Variants in SCN11A observed in about 807,000 individuals in gnomAD.
The protein encoded by SCN11A is sodium voltage-gated channel alpha subunit 11.
A neutral mutation model predicts 162.2 loss-of-function variants in SCN11A; 122 were observed. The observed-to-expected ratio is 0.75, with a 90% CI of 0.65 to 0.87. The LOEUF (loss-of-function observed/expected upper bound fraction) is 0.87. Among genes scored for constraint, SCN11A ranks in the 40% least tolerant of loss-of-function variants. The pLI is 0.00. For synonymous variants in SCN11A, 758 were observed against 751.5 expected (o/e 1.01, Z -0.14); for missense variants, 2,015 against 2,181.6 (o/e 0.92, Z 1.52).
At chr3:38,987,336 CACACA>C (rs2030292077) in intron 2 of SCN11A, among the ~76,000 whole-genome samples, 1 of 143,344 alleles carries the variant, frequency 7.0e-6, no homozygotes, top group African/African-American at 2.8e-5. Context: ...CACACACACA[CACACA>C]CCTGTCCTGT....
intron 26 of SCN11A, among the ~76,000 whole-genome samples, chr3:38,869,187 C>T (rs765121026): frequency 6.6e-6 from 1 of 152,054 alleles, no homozygotes; most frequent in Non-Finnish European, 1.5e-5. Context: ...ACACTTCCAC[C>T]CACCTGTCAC....
rs868619226 is a variant in SCN11A, at chr3:38,847,014, G to A, written c.5056C>T (p.Leu1686Phe). 1 of 1,614,052 alleles carries A rather than the reference G, an allele frequency of 6.2e-7. No individual in the cohort carries two copies. The highest frequency in any genetic ancestry group is 8.5e-7 in the Non-Finnish European group (1 of 1,180,000). ...SEDRLHCMDI[L>F]FAFTARVLGG... is the part of the protein sequence containing the mutation. ...AGTACCCTAGCGGTGAAGGCGAAAA[G>A]AATATCCATGCAGTGGAGGCGATCT... The change falls in exon 30 of 30, where the codon CTT (leucine) becomes TTT (phenylalanine). Residue 1686 changes from leucine (L) to phenylalanine (F), a missense_variant. Transcript: ENST00000302328.
In SCN11A at chr3:38,871,437, G is replaced by GTACT; in HGVS notation, c.3759+4_3759+7dup. 1.9e-6 allele frequency: 3 copies of GTACT among 1,593,724 alleles called. No homozygotes were observed. The highest frequency in any genetic ancestry group is 2.6e-6 in the Non-Finnish European group (3 of 1,171,304). On this transcript the variant is annotated splice_region_variant and intron_variant, in intron 25 of 29. Transcript: ENST00000302328. Reference sequence around the variant, plus strand: ...CCTCAGAGTGAAAAACATACTGACTGTACTTACCACTTGCAGCAGAGCGAG... The same window carrying GTACT: ...CCTCAGAGTGAAAAACATACTGACTGTACTTACTTACCACTTGCAGCAGAGCGAG...
chr3:38,988,055 A>G (rs192035983), intron 2 of SCN11A, among the ~76,000 whole-genome samples: 4 of 152,274 alleles, frequency 2.6e-5, no homozygotes, highest in Middle Eastern at 3.4e-3. Flanking sequence ...TGGGAATTTG[A>G]GGCTCCTTGT....
chr3:38,948,340 A>C (rs980603863), intron 5 of SCN11A, among the ~76,000 whole-genome samples: 2 of 152,182 alleles, frequency 1.3e-5, no homozygotes, highest in Non-Finnish European at 2.9e-5. Flanking sequence ...TTACTGCTTT[A>C]AATATTTTAA....
intron 8 of SCN11A, among the ~76,000 whole-genome samples, chr3:38,925,945 TCAATAAC>T (rs1403203385): frequency 1.6e-4 from 25 of 152,238 alleles, no homozygotes; most frequent in Non-Finnish European, 1.9e-4. Flanking sequence ...TCACCACCTT[TCAATAAC>T]GAAGAGCACA....
At chr3:38,937,021 G>A (rs1339072157) in intron 7 of SCN11A, among the ~76,000 whole-genome samples, 17 of 152,092 alleles carry the variant, frequency 1.1e-4, no homozygotes, top group Admixed American at 1.1e-3. Flanking sequence ...TACCAAAACA[G>A]AGATATAGAT....
intron 23 of SCN11A, among the ~76,000 whole-genome samples, chr3:38,873,348 T>C (rs896264993): frequency 6.6e-6 from 1 of 152,164 alleles, no homozygotes; most frequent in Non-Finnish European, 1.5e-5. Context: ...GAGTTCACTA[T>C]TACCTAAAAA....
chr3:38,858,041 AAAAC>A (rs755817251), intron 28 of SCN11A, among the ~76,000 whole-genome samples: 14 of 152,068 alleles, frequency 9.2e-5, no homozygotes, highest in Non-Finnish European at 1.2e-4. Flanking sequence ...AAAACAAAAC[AAAAC>A]AAACAAACAA....
intron 7 of SCN11A, among the ~76,000 whole-genome samples, chr3:38,931,076 C>T (rs537271146): frequency 6.6e-6 from 1 of 152,212 alleles, no homozygotes; most frequent in Non-Finnish European, 1.5e-5. Context: ...TCATCAAAGG[C>T]TTCCAGGGAA....
intron 7 of SCN11A, among the ~76,000 whole-genome samples, chr3:38,941,006 T>C (rs192657403): frequency 7.6e-4 from 115 of 152,148 alleles, no homozygotes; most frequent in African/African-American, 2.6e-3. Context: ...TGGGGCAGAG[T>C]TTCCCCTTAA....
intron 1 of SCN11A, among the ~76,000 whole-genome samples, chr3:39,044,163 T>C (rs2032129629): frequency 6.6e-6 from 1 of 152,166 alleles, no homozygotes; most frequent in Non-Finnish European, 1.5e-5. Context: ...ATTTTAAATA[T>C]ATATACACCC....
chr3:38,847,176 T>C lies in SCN11A; in HGVS notation c.4894A>G (p.Lys1632Glu), dbSNP rs2064684700. ...AATTGTGTTGCTTCTGGGTCAAACT[T>C]TTCCCACACTTCATAAAATATGTCA... is the stretch of plus-strand genomic sequence containing the variant. ...DFDIFYEVWE[K>E]FDPEATQFIK... Residue 1632 changes from lysine (K) to glutamate (E), a missense_variant, in exon 30 of 30, where the codon AAG (lysine) becomes GAG (glutamate). Physicochemically the swap from Lys to Glu is moderately conservative, Grantham distance 56 (BLOSUM62 1). Transcript: ENST00000302328. 4.3e-6 allele frequency: 7 copies of C among 1,614,184 alleles called. No homozygotes were observed. Among genetic ancestry groups the C allele is most frequent in the Non-Finnish European group, 5.1e-6 (6 of 1,180,026 alleles).
intron 18 of SCN11A, among the ~76,000 whole-genome samples, chr3:38,895,533 T>C (rs182443527): frequency 1.2e-3 from 178 of 152,336 alleles, no homozygotes; most frequent in African/African-American, 4.0e-3. Context: ...ATAATCCCAA[T>C]AGCTTCCTAC....
In SCN11A at chr3:38,925,477, T is replaced by C. The variant is rs754316861; in HGVS notation, c.650A>G (p.Lys217Arg). 2 of 1,613,726 alleles carry C rather than the reference T, an allele frequency of 1.2e-6. No individual in the cohort carries two copies. Among genetic ancestry groups the C allele is most frequent in the Non-Finnish European group, 1.7e-6 (2 of 1,179,648 alleles). Residue 217 changes from lysine to arginine, a missense_variant, in exon 9 of 30, where the codon AAA (lysine) becomes AGA (arginine). Coordinates refer to ENST00000302328, the MANE Select transcript of SCN11A (RefSeq NM_001349253.2). ...ACGGAAGGTACGCAGGGGCAATAGTTTGATGGTGATTCCTGGAATATATGA... is the reference window on the plus strand; with the variant it reads ...ACGGAAGGTACGCAGGGGCAATAGTCTGATGGTGATTCCTGGAATATATGA... ...IVSYIPGITI[K>R]LLPLRTFRVF...
chr3:38,983,293 A>G (rs1033089784), intron 2 of SCN11A, among the ~76,000 whole-genome samples: 3 of 152,186 alleles, frequency 2.0e-5, no homozygotes, highest in Non-Finnish European at 1.5e-5. Flanking sequence ...CCATTCTTCA[A>G]TATTCAGACC....
intron 2 of SCN11A, among the ~76,000 whole-genome samples, chr3:38,969,318 T>C (rs1484599527): frequency 6.6e-6 from 1 of 152,216 alleles, no homozygotes; most frequent in Non-Finnish European, 1.5e-5. Context: ...CCTGGCTTCA[T>C]TCTTCTTGGT....
intron 2 of SCN11A, among the ~76,000 whole-genome samples, chr3:38,983,136 C>A (rs898908524): frequency 8.5e-5 from 13 of 152,186 alleles, no homozygotes; most frequent in African/African-American, 2.4e-5. Flanking sequence ...ACTCTTCTTA[C>A]TGTGCTACTT....
rs1199851946 is a variant in SCN11A, at chr3:38,871,696, C to G, written c.3508G>C (p.Ala1170Pro). Residue 1170 changes from alanine (A) to proline (P), a missense_variant, in exon 25 of 30, where the codon GCT (alanine) becomes CCT (proline). Physicochemically the swap from Ala to Pro is conservative, Grantham distance 27. Coordinates refer to ENST00000302328, the MANE Select transcript of SCN11A (RefSeq NM_001349253.2). Reference protein sequence around the residue: ...QFEGMKVVVNALIGAIPAILN... With the variant: ...QFEGMKVVVNPLIGAIPAILN... The stretch of plus-strand genomic sequence containing the variant: ...ATGGCAGGTATGGCACCTATGAGAG[C>G]ATTGACCACCACCTTATGGAAACAA... 6.2e-7 allele frequency: 1 copy of G among 1,602,438 alleles called. No homozygotes were observed. Among genetic ancestry groups the G allele is most frequent in the African/African-American group, 1.3e-5 (1 of 74,282 alleles).
Sources: gnomAD v4.1 joint callset for allele counts (sites outside exome capture counted in the v4.1 genomes callset) on GRCh38, gnomAD v4.1.1 for gene constraint, MANE v1.5 for transcripts, NCBI Gene and HGNC (gene_info 2026-07-23, HGNC 2026-07-21) for gene names.